Variants in CACNA2D3 observed in about 807,000 individuals in gnomAD.
The protein encoded by CACNA2D3 is calcium voltage-gated channel auxiliary subunit alpha2delta 3.
Under a neutral mutation model 160.6 loss-of-function variants are expected in CACNA2D3, and 60 were observed. That is an observed-to-expected ratio of 0.37 (90% CI 0.30 to 0.46). The LOEUF is 0.46. CACNA2D3 is among the 20% of genes least tolerant of loss of function. The pLI is 1.00. For synonymous variants in CACNA2D3, 558 were observed against 492.9 expected (o/e 1.13, Z -1.75); for missense variants, 1,205 against 1,365.0 (o/e 0.88, Z 1.85).
chr3:54,880,582 T>C (rs1699771523), intron 20 of CACNA2D3, among the ~76,000 whole-genome samples: 1 of 152,214 alleles, frequency 6.6e-6, no homozygotes, highest in Non-Finnish European at 1.5e-5. Context: ...GCTGCTGGCA[T>C]TTCTGATCAG....
chr3:54,404,196 G>A (rs867124917), intron 4 of CACNA2D3, among the ~76,000 whole-genome samples: 3 of 152,008 alleles, frequency 2.0e-5, no homozygotes, highest in African/African-American at 7.2e-5. Context: ...AAAACTACAC[G>A]TCAGGTCAGT....
At chr3:54,404,470 A>G (rs1202758465) in intron 4 of CACNA2D3, among the ~76,000 whole-genome samples, 2 of 152,150 alleles carry the variant, frequency 1.3e-5, no homozygotes, top group Admixed American at 6.5e-5. Context: ...TTAGGTATAG[A>G]TGGAAGGTTT....
intron 11 of CACNA2D3, among the ~76,000 whole-genome samples, chr3:54,733,718 G>A (rs942742170): frequency 1.7e-4 from 26 of 152,234 alleles, no homozygotes; most frequent in African/African-American, 6.3e-4. Context: ...AAATGATAAA[G>A]GGAAGTTAAA....
intron 13 of CACNA2D3, among the ~76,000 whole-genome samples, chr3:54,784,739 G>A (rs1353408741): frequency 6.6e-6 from 1 of 152,184 alleles, no homozygotes; most frequent in Admixed American, 6.5e-5. Context: ...TGCCTCCTGA[G>A]AGAAGAGGGA....
chr3:54,123,477 G>A (rs1286198382), intron 1 of CACNA2D3, 36 bp from the exon 2 acceptor site: 1 of 1,462,374 alleles, frequency 6.8e-7, no homozygotes, highest in Admixed American at 1.7e-5. Flanking sequence ...TGTGACACGG[G>A]TGTTACATAT....
chr3:54,584,391 A>T (rs142088276), intron 9 of CACNA2D3, among the ~76,000 whole-genome samples: 164 of 152,330 alleles, frequency 1.1e-3, no homozygotes, highest in African/African-American at 3.9e-3. Flanking sequence ...CAACCACTAA[A>T]TAAAAGCTCA....
intron 10 of CACNA2D3, among the ~76,000 whole-genome samples, chr3:54,628,595 G>C (rs909019086): frequency 2.0e-5 from 3 of 150,580 alleles, no homozygotes; most frequent in African/African-American, 7.3e-5. Flanking sequence ...AGGCCATTAA[G>C]TTATCTGGGT....
At chr3:54,192,204 T>C (rs1055428412) in intron 2 of CACNA2D3, among the ~76,000 whole-genome samples, 2 of 152,128 alleles carry the variant, frequency 1.3e-5, no homozygotes, top group African/African-American at 2.4e-5. Flanking sequence ...AAAGTTCTTT[T>C]AATGACTGCT....
chr3:54,920,754 C>T (rs928628963), intron 27 of CACNA2D3, among the ~76,000 whole-genome samples: 1 of 152,176 alleles, frequency 6.6e-6, no homozygotes, highest in Non-Finnish European at 1.5e-5. Context: ...AGACTTCTAT[C>T]AGGGGAAGCA....
chr3:54,556,153 C>T (rs918667920), intron 5 of CACNA2D3, among the ~76,000 whole-genome samples: 1 of 152,132 alleles, frequency 6.6e-6, no homozygotes, highest in African/African-American at 2.4e-5. Flanking sequence ...AGTATGTTCA[C>T]GTTCTGATCT....
intron 11 of CACNA2D3, among the ~76,000 whole-genome samples, chr3:54,653,403 G>C (rs1009904600): frequency 6.6e-6 from 1 of 151,868 alleles, no homozygotes; most frequent in Non-Finnish European, 1.5e-5. Flanking sequence ...GTCACATTTG[G>C]TCCAAAAGTT....
At chr3:54,876,914 T>C (rs572896761) in intron 18 of CACNA2D3, 43 of 152,306 alleles carry the variant, frequency 2.8e-4, no homozygotes, top group Non-Finnish European at 4.8e-4. Context: ...ATGAACACTT[T>C]AGACAGAATG....
At chr3:54,145,815 C>T (rs1231569808) in intron 2 of CACNA2D3, among the ~76,000 whole-genome samples, 3 of 152,178 alleles carry the variant, frequency 2.0e-5, no homozygotes, top group East Asian at 1.9e-4. Flanking sequence ...AGTATTGCTT[C>T]GTCATTGCCT....
At position 54,999,309 on chromosome 3, in the gene CACNA2D3, T is replaced by G. The variant is rs191121510; in HGVS notation, c.2691-5454T>G. On this transcript the variant is annotated intron_variant, in intron 31 of 37. Transcript: ENST00000474759. ...TGGCTTTCTGAGATGTAAGAATGAG[T>G]AAGGGCTTCCCATGGCGACGGTCTC... 3.6e-4 allele frequency among the ~76,000 whole-genome samples: 55 copies of G among 152,246 alleles called. 1 individual carries two copies. In the Middle Eastern group the frequency reaches 0.02, roughly 56 times the overall value.
At chr3:54,849,424 G>T (rs1559603952) in intron 17 of CACNA2D3, among the ~76,000 whole-genome samples, 1 of 152,146 alleles carries the variant, frequency 6.6e-6, no homozygotes, top group Non-Finnish European at 1.5e-5. Context: ...ACAGAGCAGG[G>T]ACTCAGTAGA....
intron 2 of CACNA2D3, among the ~76,000 whole-genome samples, chr3:54,311,346 G>A (rs192512277): frequency 1.3e-5 from 2 of 152,146 alleles, no homozygotes; most frequent in Non-Finnish European, 2.9e-5. Flanking sequence ...CTTGGTCACA[G>A]ATGTCCTGCC....
intron 13 of CACNA2D3, among the ~76,000 whole-genome samples, chr3:54,811,353 G>A (rs1007823300): frequency 2.6e-5 from 4 of 151,120 alleles, no homozygotes; most frequent in Admixed American, 6.6e-5. Flanking sequence ...CATCTTTTAT[G>A]TCTCTTCTAT....
At position 54,880,899 on chromosome 3, in the gene CACNA2D3, T is replaced by G. The variant is rs768949066; in HGVS notation, c.1912+36T>G. The G allele has an allele frequency of 3.1e-6, 5 of 1,589,144 alleles. No homozygotes were observed. In the South Asian group the frequency reaches 5.5e-5, roughly 18 times the overall value. The stretch of plus-strand genomic sequence containing the variant: ...GCCTGGCTCGTCTTATCCTTTGGTG[T>G]GGGAGGAAAGCTCGGGAGCTAGCTA... On this transcript the variant is annotated intron_variant, in intron 21 of 37. Coordinates refer to ENST00000474759, the MANE Select transcript of CACNA2D3 (RefSeq NM_018398.3).
intron 9 of CACNA2D3, among the ~76,000 whole-genome samples, chr3:54,626,976 T>C (rs1699132177): frequency 6.6e-6 from 1 of 152,180 alleles, no homozygotes; most frequent in Non-Finnish European, 1.5e-5. Flanking sequence ...AGAAGGGTCT[T>C]AGGGCCTACT....
Sources: gnomAD v4.1 joint callset for allele counts (sites outside exome capture counted in the v4.1 genomes callset) on GRCh38, gnomAD v4.1.1 for gene constraint, MANE v1.5 for transcripts, NCBI Gene and HGNC (gene_info 2026-07-23, HGNC 2026-07-21) for gene names.